Variants in SAV1 observed in about 807,000 individuals in gnomAD.
The protein encoded by SAV1 is salvador family WW domain containing protein 1, also known as protein salvador homolog 1.
SAV1 carries 23 observed loss-of-function variants against 47.3 expected under a neutral mutation model. The ratio of observed to expected loss-of-function variants is 0.49; its 90% CI spans 0.35 to 0.69. The LOEUF is 0.69. SAV1 is among the 30% of genes least tolerant of loss of function. SAV1 has a pLI of 0.01. For missense variants in SAV1, 448 were observed against 457.4 expected (o/e 0.98, Z 0.19); for synonymous variants, 155 against 159.2 (o/e 0.97, Z 0.20).
At chr14:50,646,627 G>A (rs914297365) in intron 2 of SAV1, among the ~76,000 whole-genome samples, 3 of 149,262 alleles carry the variant, frequency 2.0e-5, no homozygotes, top group African/African-American at 7.5e-5. Flanking sequence ...AGAGGTTGCA[G>A]TGAGCTGAGA....
chr14:50,641,260 T>G (rs986812150), intron 3 of SAV1, among the ~76,000 whole-genome samples: 1 of 152,170 alleles, frequency 6.6e-6, no homozygotes, highest in African/African-American at 2.4e-5. Context: ...GGTTAGGATA[T>G]GTAGTGACGC....
intron 2 of SAV1, among the ~76,000 whole-genome samples, chr14:50,660,971 C>T (rs573295516): frequency 6.6e-6 from 1 of 152,304 alleles, no homozygotes; most frequent in South Asian, 2.1e-4. Context: ...TAGATAGATA[C>T]CCAGCAGTGG....
intron 2 of SAV1, among the ~76,000 whole-genome samples, chr14:50,650,418 C>T (rs2039758105): frequency 6.6e-6 from 1 of 152,144 alleles, no homozygotes; most frequent in South Asian, 2.1e-4. Flanking sequence ...CTGGACAGTA[C>T]ACCACCATAT....
chr14:50,646,134 T>C (rs2039719547), intron 2 of SAV1, among the ~76,000 whole-genome samples: 1 of 152,186 alleles, frequency 6.6e-6, no homozygotes, highest in Non-Finnish European at 1.5e-5. Flanking sequence ...CTGCAGATAG[T>C]ACCTAACCCT....
chr14:50,665,466 T>G lies in SAV1; in HGVS notation c.248A>C (p.His83Pro). ...FLRTPIQRTP[H>P]EIMRRESNRL... The stretch of plus-strand genomic sequence containing the variant: ...GTTGCTTTCTCTTCTCATTATTTCA[T>G]GAGGTGTTCTTTGAATTGGAGTTCT... The change falls in exon 2 of 5, where the codon CAT becomes CCT. Residue 83 changes from histidine (H) to proline (P), a missense_variant. Coordinates refer to ENST00000324679, the MANE Select transcript of SAV1 (RefSeq NM_021818.4). 1.2e-6 allele frequency: 2 copies of G among 1,613,946 alleles called. No homozygotes were observed. Among genetic ancestry groups the G allele is most frequent in the Non-Finnish European group, 1.7e-6 (2 of 1,179,898 alleles).
At chr14:50,655,324 G>C (rs185236765) in intron 2 of SAV1, among the ~76,000 whole-genome samples, 3 of 152,088 alleles carry the variant, frequency 2.0e-5, no homozygotes, top group African/African-American at 7.2e-5. Context: ...GTATTTATAT[G>C]AGTTACTTAT....
chr14:50,635,264 G>A lies in SAV1; in HGVS notation c.1071C>T (p.Tyr357=). Residue 357 remains tyrosine, a synonymous_variant, in exon 5 of 5, where the codon TAC becomes TAT. Coordinates refer to ENST00000324679, the MANE Select transcript of SAV1 (RefSeq NM_021818.4). ...CCAACTCTGTAAGAAGGGCTTGTCTGTATGCTTCATACATTTTAACAATCT... is the reference window on the plus strand; with the variant it reads ...CCAACTCTGTAAGAAGGGCTTGTCTATATGCTTCATACATTTTAACAATCT... ...LEQIVKMYEA[Y]RQALLTELEN... 1 of 1,614,082 alleles carries A rather than the reference G, an allele frequency of 6.2e-7. No homozygotes were observed. The highest frequency in any genetic ancestry group is 8.5e-7 in the Non-Finnish European group (1 of 1,179,978).
At chr14:50,657,987 A>G (rs2039827486) in intron 2 of SAV1, among the ~76,000 whole-genome samples, 1 of 152,218 alleles carries the variant, frequency 6.6e-6, no homozygotes. Flanking sequence ...ATGGATCTAG[A>G]GCTCTAACAC....
intron 2 of SAV1, among the ~76,000 whole-genome samples, chr14:50,647,536 C>T (rs891401980): frequency 6.6e-6 from 1 of 151,160 alleles, no homozygotes; most frequent in Non-Finnish European, 1.5e-5. Context: ...TACGGCACTC[C>T]GGTCTGTGCA....
intron 2 of SAV1, 84 bp downstream of exon 2, chr14:50,665,095 C>G: frequency 6.8e-7 from 1 of 1,463,656 alleles, no homozygotes; most frequent in Non-Finnish European, 9.0e-7. Context: ...TTGTTCGTGT[C>G]CCAAGAAAAT....
intron 2 of SAV1, chr14:50,663,204 T>C (rs2039874531): frequency 6.6e-6 from 1 of 152,104 alleles, no homozygotes; most frequent in African/African-American, 2.4e-5. Flanking sequence ...ATCACATCCA[T>C]GTAAAAAAAG....
Position 50,651,564 on chromosome 14 carries a change from C to T in SAV1, c.536-6550G>A, listed in dbSNP as rs367835357. ...AATGAAGTAAACAAATCTAAGAGTA[C>T]ATGAAGCAGCTAAAGCATACTTCAG... On this transcript the variant is annotated intron_variant, in intron 2 of 4. Coordinates refer to ENST00000324679, the MANE Select transcript of SAV1 (RefSeq NM_021818.4). 1.4e-3 allele frequency among the ~76,000 whole-genome samples: 214 copies of T among 152,286 alleles called. 5 individuals carry two copies. The South Asian group carries it at 0.041, about 29-fold the overall frequency.
At position 50,634,383 on chromosome 14, in the gene SAV1, T is replaced by G. The variant is rs572094151; in HGVS notation, c.*800A>C. ...TATTTTTTGAGACAAGGTCTGGCTC[T>G]CTCTCTCTCAGGCTGCAGTGCAAGT... On this transcript the variant is annotated 3_prime_UTR_variant, in exon 5 of 5. Coordinates refer to ENST00000324679, the MANE Select transcript of SAV1 (RefSeq NM_021818.4). 26 of 286,946 alleles carry G rather than the reference T, an allele frequency of 9.1e-5. No individual in the cohort carries two copies. The highest frequency in any genetic ancestry group is 1.3e-4 in the Non-Finnish European group (19 of 141,200). The allele number at this position is 286,946 out of a possible 1,614,324, so 17.8% of individuals were successfully genotyped here. A position where few individuals can be genotyped will look rare whatever the true frequency, so the allele number is the denominator to read the frequency against.
At chr14:50,652,155 T>G (rs535700589) in intron 2 of SAV1, among the ~76,000 whole-genome samples, 1 of 152,330 alleles carries the variant, frequency 6.6e-6, no homozygotes, top group East Asian at 1.9e-4. Flanking sequence ...AGAAGGTAGT[T>G]CAATGTGAAT....
chr14:50,657,886 T>C (rs2039826499), intron 2 of SAV1, among the ~76,000 whole-genome samples: 1 of 152,200 alleles, frequency 6.6e-6, no homozygotes. Context: ...CTTAATCTCA[T>C]ACAACCAGGC....
At chr14:50,651,991 C>T (rs756704734) in intron 2 of SAV1, among the ~76,000 whole-genome samples, 6 of 152,094 alleles carry the variant, frequency 3.9e-5, no homozygotes, top group Non-Finnish European at 4.4e-5. Flanking sequence ...AAATAAACTA[C>T]AAAGAAATCT....
chr14:50,657,284 C>T (rs2039821193), intron 2 of SAV1, among the ~76,000 whole-genome samples: 1 of 152,132 alleles, frequency 6.6e-6, no homozygotes, highest in Non-Finnish European at 1.5e-5. Flanking sequence ...CCACCTGCCT[C>T]GGCCTCCCAA....
Position 50,668,056 on chromosome 14 carries a change from C to CGCCGCCGCCTCCTTCCCTCCCGA in SAV1, c.-112_-90dup. On this transcript the variant is annotated 5_prime_UTR_variant, in exon 1 of 5. The change abolishes the stop of an existing upstream ORF in the 5' untranslated region. Coordinates refer to ENST00000324679, the MANE Select transcript of SAV1 (RefSeq NM_021818.4). ...CCGTCTCCGCCGCCACCTCCGCCGG[C>CGCCGCCGCCTCCTTCCCTCCCGA]GCCGCCGCCTCCTTCCCTCCCGAGC... is the stretch of plus-strand genomic sequence containing the variant. 1.1e-6 allele frequency: 1 copy of CGCCGCCGCCTCCTTCCCTCCCGA among 946,576 alleles called. No homozygotes were observed. Among genetic ancestry groups the CGCCGCCGCCTCCTTCCCTCCCGA allele is most frequent in the Admixed American group, 4.1e-5 (1 of 24,678 alleles). The allele number at this position is 946,576 out of a possible 1,614,324, so 58.6% of individuals were successfully genotyped here.
intron 2 of SAV1, among the ~76,000 whole-genome samples, chr14:50,645,703 CCT>C (rs67822283): frequency 0.46 from 69,895 of 151,492 alleles, 17,566 homozygotes; most frequent in East Asian, 0.73. Context: ...GAAAATTTCC[CCT>C]GATTAAAGAT....
Sources: gnomAD v4.1 joint callset for allele counts (sites outside exome capture counted in the v4.1 genomes callset) on GRCh38, gnomAD v4.1.1 for gene constraint, MANE v1.5 for transcripts, NCBI Gene and HGNC (gene_info 2026-07-23, HGNC 2026-07-21) for gene names.